Variants in EFEMP1 observed in about 807,000 individuals in gnomAD.
EFEMP1 encodes EGF-containing fibulin-like extracellular matrix protein 1.
A neutral mutation model predicts 65.7 loss-of-function variants in EFEMP1; 18 were observed. The observed-to-expected ratio is 0.27, with a 90% confidence interval of 0.19 to 0.41. The LOEUF (loss-of-function observed/expected upper bound fraction) is 0.41, where lower values mean the gene tolerates loss of function less well. Ranked by LOEUF, EFEMP1 falls within the 10% of genes least tolerant of loss-of-function variation. The pLI, the probability that EFEMP1 is intolerant of heterozygous loss-of-function variation, is 1.00. For synonymous variants in EFEMP1, 237 were observed against 219.7 expected (o/e 1.08, Z -0.70); for missense variants, 469 against 624.8 (o/e 0.75, Z 2.66).
rs1669330016 is a variant in EFEMP1 at position 55,883,776 on chromosome 2, A to T, written c.518-2042T>A. On this transcript the variant is annotated intron_variant, in intron 5 of 11. Coordinates refer to ENST00000355426, the MANE Select transcript of EFEMP1 (RefSeq NM_001039348.3). The surrounding 1 kb of genome is among the most constrained non-coding windows in gnomAD (Gnocchi z 4.5). ...TAGGCTAACATTTCCAGTGGAATTA[A>T]TGTATCATTAAGTAGATTTTAAACA... is the stretch of plus-strand genomic sequence containing the variant. Among the ~76,000 whole-genome samples the T allele has an allele frequency of 6.6e-6, 1 of 152,180 alleles. No homozygotes were observed. Among genetic ancestry groups the T allele is most frequent in the South Asian group, 2.1e-4 (1 of 4,836 alleles).
At position 55,871,483 on chromosome 2, in the gene EFEMP1, A is replaced by C. The variant is rs978153742; in HGVS notation, c.1001-360T>G. Among the ~76,000 whole-genome samples the C allele has an allele frequency of 6.6e-6, 1 of 152,114 alleles. No homozygotes were observed. The highest frequency in any genetic ancestry group is 1.5e-5 in the Non-Finnish European group (1 of 68,014). On this transcript the variant is annotated intron_variant, in intron 9 of 11. Transcript: ENST00000355426. The surrounding 1 kb of genome is among the most constrained non-coding windows in gnomAD (Gnocchi z 4.2). ...GGAATGTGTATATGATTACTTAGAA[A>C]GTAAAATGGAATTAAGTAAGAGATA...
chr2:55,898,637 CTCATCCTACACCTGTCTGGAGA>C (rs1669921425), intron 5 of EFEMP1, among the ~76,000 whole-genome samples: 1 of 152,026 alleles, frequency 6.6e-6, no homozygotes, highest in South Asian at 2.1e-4. Flanking sequence ...TTTTTTCCTC[CTCATCCTACACCTGTCTGGAGA>C]TAGGGTTTTC....
At chr2:55,875,207 A>C in intron 8 of EFEMP1, 142 bp from the exon 9 acceptor site, 1 of 335,384 alleles carries the variant, frequency 3.0e-6, no homozygotes, top group Non-Finnish European at 4.5e-6. Context: ...TATATAATTA[A>C]AATTATTTAT....
At chr2:55,904,599 T>G (rs1670172327) in intron 5 of EFEMP1, among the ~76,000 whole-genome samples, 1 of 152,178 alleles carries the variant, frequency 6.6e-6, no homozygotes, top group Non-Finnish European at 1.5e-5. Context: ...TTTCTTTTTC[T>G]CTTCTTGAGA....
rs1668637782 is a variant in EFEMP1, at chr2:55,867,736, T to C, written c.1321-502A>G. 6.6e-6 allele frequency among the ~76,000 whole-genome samples: 1 copy of C among 152,080 alleles called. No individual in the cohort carries two copies. The highest frequency in any genetic ancestry group is 2.4e-5 in the African/African-American group (1 of 41,388). On this transcript the variant is annotated intron_variant, in intron 11 of 11. Transcript: ENST00000355426. This position sits in a 1 kb window ranked among gnomAD's most constrained non-coding sequence, Gnocchi z 4.3. ...ATGAAGATACATAAAGGTGTATGTA[T>C]AAAGGGAAGAAAAGGAAGAGCCCTG...
intron 5 of EFEMP1, among the ~76,000 whole-genome samples, chr2:55,898,346 C>T (rs948801253): frequency 2.0e-5 from 3 of 152,306 alleles, no homozygotes; most frequent in African/African-American, 7.2e-5. Flanking sequence ...CACTGTTTCA[C>T]ACAGCAGAAG....
Position 55,871,256 on chromosome 2 carries a change from G to A in EFEMP1, c.1001-133C>T. ...CTGGACTGTGTTCAACCTGCTTTTA[G>A]ACACAAGACTGGGTGTTCATTGTAT... On this transcript the variant is annotated intron_variant, in intron 9 of 11. Coordinates refer to ENST00000355426, the MANE Select transcript of EFEMP1 (RefSeq NM_001039348.3). This position sits in a 1 kb window ranked among gnomAD's most constrained non-coding sequence, Gnocchi z 4.2. The A allele has an allele frequency of 6.6e-6, 8 of 1,214,980 alleles. No individual in the cohort carries two copies. The highest frequency in any genetic ancestry group is 9.5e-6 in the Non-Finnish European group (8 of 844,338). The allele number at this position is 1,214,980 out of a possible 1,614,324, so 75.3% of individuals were successfully genotyped here. A position where few individuals can be genotyped will look rare whatever the true frequency, so the allele number is the denominator to read the frequency against.
intron 5 of EFEMP1, among the ~76,000 whole-genome samples, chr2:55,893,938 G>C (rs1465962012): frequency 6.6e-6 from 1 of 152,088 alleles, no homozygotes; most frequent in Admixed American, 6.6e-5. Context: ...TACAAGAACA[G>C]GCAAACACAG....
chr2:55,875,750 C>T (rs1669007954), intron 8 of EFEMP1, among the ~76,000 whole-genome samples: 5 of 152,102 alleles, frequency 3.3e-5, no homozygotes, highest in Admixed American at 2.6e-4. Flanking sequence ...TGCCAAGTCC[C>T]CTAACCTGTG....
At chr2:55,872,798 T>C (rs1668864586) in intron 9 of EFEMP1, among the ~76,000 whole-genome samples, 1 of 152,040 alleles carries the variant, frequency 6.6e-6, no homozygotes, top group South Asian at 2.1e-4. Context: ...GAAATCACAA[T>C]TGACTTATCC....
At chr2:55,905,469 C>T (rs1670221318) in intron 5 of EFEMP1, among the ~76,000 whole-genome samples, 1 of 152,034 alleles carries the variant, frequency 6.6e-6, no homozygotes, top group East Asian at 1.9e-4. Context: ...GTGTGTGTGA[C>T]AGAGTTTCGC....
intron 8 of EFEMP1, among the ~76,000 whole-genome samples, chr2:55,875,335 T>TATAC (rs1553349819): frequency 1.6e-5 from 2 of 125,434 alleles, no homozygotes; most frequent in African/African-American, 6.4e-5. Context: ...GTTTCATATA[T>TATAC]ACACACACAC....
rs75503788 is a variant in EFEMP1, at chr2:55,915,258, T to C, written c.517+2407A>G. ...AACTGGCTGAATTACACAGATCAATTTGGGTTGGAAATAACCTGTGTGCAC... is the reference window on the plus strand; with the variant it reads ...AACTGGCTGAATTACACAGATCAATCTGGGTTGGAAATAACCTGTGTGCAC... On this transcript the variant is annotated intron_variant, in intron 5 of 11. Transcript: ENST00000355426. Among the ~76,000 whole-genome samples, 778 of 152,246 alleles carry C rather than the reference T, an allele frequency of 5.1e-3. 7 individuals carry two copies. Among genetic ancestry groups the C allele is most frequent in the African/African-American group, 0.018 (747 of 41,544 alleles).
chr2:55,907,094 A>G (rs1670310945), intron 5 of EFEMP1, among the ~76,000 whole-genome samples: 1 of 152,236 alleles, frequency 6.6e-6, no homozygotes, highest in South Asian at 2.1e-4. Flanking sequence ...ATAGGTAAAC[A>G]CATGTATTCA....
chr2:55,887,821 C>T (rs770725455), intron 5 of EFEMP1, among the ~76,000 whole-genome samples: 28 of 152,160 alleles, frequency 1.8e-4, no homozygotes, highest in Non-Finnish European at 2.9e-5. Flanking sequence ...GTGGCGAAAT[C>T]AAGTGTCCTA....
rs950717015 is a variant in EFEMP1 at position 55,877,811 on chromosome 2, G to T, written c.695C>A (p.Pro232Gln). The T allele has an allele frequency of 1.9e-6, 3 of 1,613,250 alleles. No homozygotes were observed. Among genetic ancestry groups the T allele is most frequent in the Non-Finnish European group, 1.7e-6 (2 of 1,179,378 alleles). ...ACTGCACTGGCAATAAAATGAGCCT[G>T]GTGTATTCACGCATCTTTGGTGGCA... is the stretch of plus-strand genomic sequence containing the variant. The part of the protein sequence containing the change: ...PYCHQRCVNT[P>Q]GSFYCQCSPG... Residue 232 changes from proline (P) to glutamine (Q), a missense_variant, in exon 7 of 12, where the codon CCA becomes CAA. Physicochemically the swap from Pro to Gln is moderately conservative, Grantham distance 76. Around this residue, in one of 3 missense-constraint regions of EFEMP1, gnomAD observed 399 missense variants for 528.2 expected, o/e 0.76. Coordinates refer to ENST00000355426, the MANE Select transcript of EFEMP1 (RefSeq NM_001039348.3). This position sits in a 1 kb window ranked among gnomAD's most constrained non-coding sequence, Gnocchi z 4.5.
intron 5 of EFEMP1, among the ~76,000 whole-genome samples, chr2:55,882,793 C>A (rs1452036851): frequency 6.6e-6 from 1 of 152,030 alleles, no homozygotes; most frequent in East Asian, 1.9e-4. Context: ...CCTGGGTCTA[C>A]CACAGTGATG....
In EFEMP1 at chr2:55,873,694, G is replaced by A. The variant is rs1668912052; in HGVS notation, c.1000+1252C>T. 6.6e-6 allele frequency among the ~76,000 whole-genome samples: 1 copy of A among 152,028 alleles called. No individual in the cohort carries two copies. The highest frequency in any genetic ancestry group is 1.5e-5 in the Non-Finnish European group (1 of 67,942). On this transcript the variant is annotated intron_variant, in intron 9 of 11. Coordinates refer to ENST00000355426, the MANE Select transcript of EFEMP1 (RefSeq NM_001039348.3). The surrounding 1 kb of genome is among the most constrained non-coding windows in gnomAD (Gnocchi z 4.6). ...GTAACCTGGAAAGGGTTATAAAGAT[G>A]TTCATTGTGCAATGAACTACATTCT...
chr2:55,872,623 C>A (rs900428163), intron 9 of EFEMP1, among the ~76,000 whole-genome samples: 3 of 151,964 alleles, frequency 2.0e-5, no homozygotes, highest in Non-Finnish European at 4.4e-5. Flanking sequence ...ATAATTCATG[C>A]CTTGACTTTG....
Sources: gnomAD v4.1 joint callset for allele counts (sites outside exome capture counted in the v4.1 genomes callset) on GRCh38, gnomAD v4.1.1 for gene constraint, gnomAD v4.1.1 regional missense constraint, Gnocchi (gnomAD v3.1) non-coding constraint, MANE v1.5 for transcripts, NCBI Gene and HGNC (gene_info 2026-07-23, HGNC 2026-07-21) for gene names.